The following THSD4 variants were observed in gnomAD, a reference collection of about 807,000 sequenced individuals.
THSD4 encodes thrombospondin type-1 domain-containing protein 4.
THSD4 carries 69 observed loss-of-function variants against 119.0 expected under a neutral mutation model. The ratio of observed to expected loss-of-function variants is 0.58; its 90% CI spans 0.48 to 0.71. The LOEUF is 0.71. THSD4 is among the 30% of genes least tolerant of loss of function. THSD4 has a pLI of 0.00. For missense variants in THSD4, 1,393 were observed against 1,391.1 expected (o/e 1.00, Z -0.02); for synonymous variants, 524 against 540.4 (o/e 0.97, Z 0.42).
upstream of THSD4, among the ~76,000 whole-genome samples, chr15:71,112,785 T>C (rs2040316449): frequency 6.6e-6 from 1 of 152,250 alleles, no homozygotes; most frequent in East Asian, 1.9e-4. Context: ...CACATTTGGA[T>C]AAAAGCAGAA....
At chr15:71,409,044 C>T (rs868397074) in intron 6 of THSD4, among the ~76,000 whole-genome samples, 1 of 151,982 alleles carries the variant, frequency 6.6e-6, no homozygotes, top group African/African-American at 2.4e-5. Flanking sequence ...ACCCAGTGTC[C>T]CCAGTGTCTA....
chr15:71,416,423 TG>T (rs1479077421), intron 7 of THSD4, among the ~76,000 whole-genome samples: 1 of 108,150 alleles, frequency 9.2e-6, no homozygotes, highest in Non-Finnish European at 2.0e-5. Context: ...TTCTCTATAG[TG>T]GTTGTACTAA....
At chr15:71,411,254 A>T (rs2046683248) in intron 6 of THSD4, among the ~76,000 whole-genome samples, 1 of 152,202 alleles carries the variant, frequency 6.6e-6, no homozygotes, top group African/African-American at 2.4e-5. Context: ...TATCACTACT[A>T]TATGCAAATA....
intron 7 of THSD4, among the ~76,000 whole-genome samples, chr15:71,635,184 TC>T (rs1417559707): frequency 3.9e-5 from 6 of 152,226 alleles, no homozygotes; most frequent in African/African-American, 1.4e-4. Flanking sequence ...ATGTAGGACT[TC>T]ATTTTTCTGG....
At chr15:71,271,838 A>G (rs751160033) in intron 6 of THSD4, among the ~76,000 whole-genome samples, 6 of 152,184 alleles carry the variant, frequency 3.9e-5, no homozygotes, top group Non-Finnish European at 7.3e-5. Context: ...TACAACTACT[A>G]GGAGAAAACA....
intron 6 of THSD4, among the ~76,000 whole-genome samples, chr15:71,351,094 T>A (rs2045738375): frequency 6.6e-6 from 1 of 152,156 alleles, no homozygotes; most frequent in African/African-American, 2.4e-5. Flanking sequence ...ATCAGGTCAA[T>A]GGCTGGGGAA....
At chr15:71,699,273 C>T (rs1479882190) in intron 8 of THSD4, among the ~76,000 whole-genome samples, 2 of 52,926 alleles carry the variant, frequency 3.8e-5, no homozygotes, top group African/African-American at 1.4e-4. Context: ...AGTGCAGTGG[C>T]GGGATCTCGG....
chr15:71,181,805 C>T (rs1428878349), intron 3 of THSD4, among the ~76,000 whole-genome samples: 1 of 152,226 alleles, frequency 6.6e-6, no homozygotes, highest in South Asian at 2.1e-4. Flanking sequence ...AATCATTCCT[C>T]TTCCATCAAG....
At chr15:71,150,892 T>C (rs1394654787) in intron 2 of THSD4, among the ~76,000 whole-genome samples, 3 of 152,230 alleles carry the variant, frequency 2.0e-5, no homozygotes, top group Non-Finnish European at 4.4e-5. Flanking sequence ...AGCATCATTC[T>C]TTAATTCAGT....
At chr15:71,648,885 A>G (rs1456420305) in intron 7 of THSD4, among the ~76,000 whole-genome samples, 4 of 152,178 alleles carry the variant, frequency 2.6e-5, no homozygotes, top group African/African-American at 7.2e-5. Context: ...TACACATTTC[A>G]TTTAAGCCTC....
intron 6 of THSD4, among the ~76,000 whole-genome samples, chr15:71,265,773 G>A (rs2044458544): frequency 6.6e-6 from 1 of 152,164 alleles, no homozygotes; most frequent in Admixed American, 6.5e-5. Context: ...TGTGGGGGGG[G>A]AGGGGCATCT....
At chr15:71,546,911 G>A (rs2048845320) in intron 7 of THSD4, among the ~76,000 whole-genome samples, 1 of 152,186 alleles carries the variant, frequency 6.6e-6, no homozygotes, top group South Asian at 2.1e-4. Flanking sequence ...AACTTGTCCA[G>A]GCAAACACAG....
intron 5 of THSD4, among the ~76,000 whole-genome samples, chr15:71,251,712 A>G (rs73433465): frequency 0.073 from 11,137 of 152,152 alleles, 1,338 homozygotes; most frequent in African/African-American, 0.25. Flanking sequence ...TACATTGGAG[A>G]TGATGCTGTC....
intron 7 of THSD4, among the ~76,000 whole-genome samples, chr15:71,640,980 G>GACACAC (rs10551548): frequency 1.9e-3 from 276 of 146,720 alleles, no homozygotes; most frequent in South Asian, 0.013. Flanking sequence ...CCCACCTACA[G>GACACAC]ACACACACAC....
At chr15:71,661,122 T>TATAG (rs1418716593) in intron 8 of THSD4, among the ~76,000 whole-genome samples, 2 of 152,172 alleles carry the variant, frequency 1.3e-5, no homozygotes, top group Non-Finnish European at 1.5e-5. Flanking sequence ...ATCCTATCTA[T>TATAG]ACCTTCACTC....
In THSD4 at chr15:71,724,278, TATATATA is replaced by T. The variant is rs1458941242; in HGVS notation, c.1358-4270_1358-4264del. On this transcript the variant is annotated intron_variant, in intron 8 of 17. Coordinates refer to ENST00000261862, the MANE Select transcript of THSD4 (RefSeq NM_024817.3). ...GCCTCTATGATGGGATATATATATATATATATATATTTTTTTTTTCCCCCCAAGATGG... is the reference window on the plus strand; with the variant it reads ...GCCTCTATGATGGGATATATATATATTATTTTTTTTTTCCCCCCAAGATGG... Among the ~76,000 whole-genome samples, 137 of 37,164 alleles carry T rather than the reference TATATATA, an allele frequency of 3.7e-3. 5 individuals are homozygous for T. The highest frequency in any genetic ancestry group is 0.015 in the South Asian group (9 of 602). The allele number at this position is 37,164 out of a possible 152,430, so 24.4% of individuals were successfully genotyped here.
At chr15:71,464,204 T>C (rs528530804) in intron 7 of THSD4, among the ~76,000 whole-genome samples, 1 of 152,308 alleles carries the variant, frequency 6.6e-6, no homozygotes, top group African/African-American at 2.4e-5. Flanking sequence ...AGGATGTGAC[T>C]TCCATCGGAC....
intron 8 of THSD4, among the ~76,000 whole-genome samples, chr15:71,722,954 C>G (rs1473583634): frequency 7.2e-5 from 11 of 152,154 alleles, no homozygotes; most frequent in African/African-American, 2.7e-4. Context: ...GGAATTCTTT[C>G]CATACCCACA....
chr15:71,497,063 C>T (rs148094936), intron 7 of THSD4, among the ~76,000 whole-genome samples: 41 of 152,208 alleles, frequency 2.7e-4, no homozygotes, highest in African/African-American at 9.9e-4. Context: ...ATTCCAACCA[C>T]CAAAGAGTAT....
Sources: gnomAD v4.1 joint callset for allele counts (sites outside exome capture counted in the v4.1 genomes callset) on GRCh38, gnomAD v4.1.1 for gene constraint, MANE v1.5 for transcripts, NCBI Gene and HGNC (gene_info 2026-07-23, HGNC 2026-07-21) for gene names.